KYNU: variants seen among roughly 807,000 people sequenced by gnomAD.
The protein encoded by KYNU is L-kynurenine hydrolase.
A neutral mutation model predicts 59.2 loss-of-function variants in KYNU; 54 were observed. The observed-to-expected ratio is 0.91, with a 90% CI of 0.73 to 1.14. The LOEUF (loss-of-function observed/expected upper bound fraction) is 1.14. Among genes scored for constraint, KYNU ranks in the 50% most tolerant of loss-of-function variants. The pLI, the probability that KYNU is intolerant of heterozygous loss-of-function variation, is 0.00. For synonymous variants in KYNU, 177 were observed against 192.0 expected (o/e 0.92, Z 0.65); for missense variants, 567 against 554.4 (o/e 1.02, Z -0.23).
intron 8 of KYNU, among the ~76,000 whole-genome samples, chr2:142,962,171 G>C (rs1301171314): frequency 6.6e-6 from 1 of 152,188 alleles, no homozygotes; most frequent in Non-Finnish European, 1.5e-5. Context: ...TGCTTCCTTA[G>C]TATACACGTA....
At chr2:142,879,411 G>A (rs1681214540) in intron 1 of KYNU, 1 of 152,218 alleles carries the variant, frequency 6.6e-6, no homozygotes, top group Non-Finnish European at 1.5e-5. Context: ...GGACTGGGAA[G>A]GATGGATTAA....
intron 4 of KYNU, among the ~76,000 whole-genome samples, chr2:142,950,516 G>T (rs1683952984): frequency 6.6e-6 from 1 of 152,130 alleles, no homozygotes; most frequent in Non-Finnish European, 1.5e-5. Context: ...AGCTTGTGTA[G>T]GGAAACTCCC....
At chr2:142,997,123 A>G (rs976378105) in intron 10 of KYNU, among the ~76,000 whole-genome samples, 1 of 152,146 alleles carries the variant, frequency 6.6e-6, no homozygotes, top group Non-Finnish European at 1.5e-5. Flanking sequence ...TCCTTTTCTC[A>G]AGTATGAATG....
chr2:142,964,102 T>C (rs1344920256), intron 8 of KYNU, among the ~76,000 whole-genome samples: 1 of 151,094 alleles, frequency 6.6e-6, no homozygotes, highest in African/African-American at 2.5e-5. Flanking sequence ...ATGCAGTACC[T>C]AGCAGTACTT....
intron 5 of KYNU, 54 bp downstream of exon 5, chr2:142,954,925 G>T: frequency 8.9e-7 from 1 of 1,123,622 alleles, no homozygotes; most frequent in Non-Finnish European, 1.4e-6. Flanking sequence ...AGAATCTGAT[G>T]TTTTTCTATC....
intron 2 of KYNU, among the ~76,000 whole-genome samples, chr2:142,912,400 AT>A (rs1424258470): frequency 1.1e-5 from 1 of 91,514 alleles, no homozygotes; most frequent in Non-Finnish European, 2.0e-5. Flanking sequence ...TTTTTTTGAG[AT>A]GGAGTTTCAC....
intron 1 of KYNU, among the ~76,000 whole-genome samples, chr2:142,884,402 T>C (rs965660429): frequency 6.6e-6 from 1 of 152,194 alleles, no homozygotes; most frequent in Non-Finnish European, 1.5e-5. Flanking sequence ...CAAGAACCAC[T>C]GGGGGTGGGA....
At position 143,049,904 on chromosome 2, in the gene KYNU, G is replaced by GT. The variant is rs1687234872; in HGVS notation, c.*7737dup. 6.6e-6 allele frequency: 1 copy of GT among 151,722 alleles called. No individual in the cohort carries two copies. Among genetic ancestry groups the GT allele is most frequent in the South Asian group, 2.1e-4 (1 of 4,822 alleles). The allele number at this position is 151,722 out of a possible 1,614,324, so 9.4% of individuals were successfully genotyped here. Reference sequence around the variant, plus strand: ...ACTGAGTTAAGTCTGATTTTCCAGAGTTTTTATGTTTGCTTCTGTCAGTTG... The same window carrying GT: ...ACTGAGTTAAGTCTGATTTTCCAGAGTTTTTTATGTTTGCTTCTGTCAGTTG... On this transcript the variant is annotated 3_prime_UTR_variant, in exon 14 of 14. Transcript: ENST00000264170.
rs548858595 is a variant in KYNU, at chr2:143,006,452, A to G, written c.902+20431A>G. Among the ~76,000 whole-genome samples, 1,463 of 148,914 alleles carry G rather than the reference A, an allele frequency of 9.8e-3. 30 individuals carry two copies. The highest frequency in any genetic ancestry group is 0.029 in the East Asian group (141 of 4,914). ...TGCTAGCACAGCAGTCTGAGATCAAACTGCAAGGTGGCAGCGAGGCTGGGG... is the reference window on the plus strand; with the variant it reads ...TGCTAGCACAGCAGTCTGAGATCAAGCTGCAAGGTGGCAGCGAGGCTGGGG... On this transcript the variant is annotated intron_variant, in intron 10 of 13. Transcript: ENST00000264170.
At chr2:143,021,234 A>G (rs1190345664) in intron 10 of KYNU, among the ~76,000 whole-genome samples, 1 of 152,120 alleles carries the variant, frequency 6.6e-6, no homozygotes, top group Non-Finnish European at 1.5e-5. Context: ...GTTGTTTGAT[A>G]GGACTTTCTC....
intron 10 of KYNU, among the ~76,000 whole-genome samples, chr2:143,010,143 A>T (rs1252298361): frequency 7.2e-6 from 1 of 139,840 alleles, no homozygotes; most frequent in African/African-American, 2.8e-5. Context: ...AGATGACATG[A>T]TTCTATATCT....
intron 4 of KYNU, among the ~76,000 whole-genome samples, chr2:142,937,244 G>A (rs1383096869): frequency 6.6e-6 from 1 of 152,008 alleles, no homozygotes; most frequent in Non-Finnish European, 1.5e-5. Context: ...GCCTGAGAAG[G>A]GAGGAGTTAC....
In KYNU at chr2:143,054,210, C is replaced by A. The variant is rs1410341668; in HGVS notation, c.*12038C>A. On this transcript the variant is annotated 3_prime_UTR_variant, in exon 14 of 14. Transcript: ENST00000264170. ...TTTAGATTCTACAATATCTCCAATT[C>A]TTCAGTTTATTCCCTCTTACTATGT... 1 of 151,968 alleles carries A rather than the reference C, an allele frequency of 6.6e-6. No homozygotes were observed. Among genetic ancestry groups the A allele is most frequent in the Non-Finnish European group, 1.5e-5 (1 of 67,994 alleles). The allele number at this position is 151,968 out of a possible 1,614,324, so 9.4% of individuals were successfully genotyped here.
At chr2:143,040,112 A>G (rs184641111) in intron 12 of KYNU, among the ~76,000 whole-genome samples, 42 of 152,194 alleles carry the variant, frequency 2.8e-4, no homozygotes, top group African/African-American at 9.6e-4. Flanking sequence ...CAGTACTGAA[A>G]CAGTTGTGAT....
At chr2:142,897,967 T>C (rs1681938469) in intron 2 of KYNU, among the ~76,000 whole-genome samples, 2 of 152,162 alleles carry the variant, frequency 1.3e-5, no homozygotes, top group Admixed American at 1.3e-4. Context: ...AGTGGTGCTG[T>C]CAGAGCTCAC....
chr2:142,888,086 G>T (rs1378791043), intron 2 of KYNU, among the ~76,000 whole-genome samples: 1 of 152,106 alleles, frequency 6.6e-6, no homozygotes, highest in Admixed American at 6.6e-5. Flanking sequence ...TTACAACCTT[G>T]GATAAGTCAT....
intron 8 of KYNU, among the ~76,000 whole-genome samples, chr2:142,968,912 C>CTAAATAAA (rs568610282): frequency 5.0e-4 from 76 of 151,460 alleles, no homozygotes; most frequent in African/African-American, 8.0e-4. Context: ...GACTCTGTCT[C>CTAAATAAA]TAAATAAATA....
Position 143,004,732 on chromosome 2 carries a change from C to T in KYNU, c.902+18711C>T, listed in dbSNP as rs139801961. ...AAAAATAAAGGCAATATTCATTTTT[C>T]CTCCCGAGCATACAATACTATCTTT... On this transcript the variant is annotated intron_variant, in intron 10 of 13. Coordinates refer to ENST00000264170, the MANE Select transcript of KYNU (RefSeq NM_003937.3). 4.3e-3 allele frequency among the ~76,000 whole-genome samples: 655 copies of T among 152,172 alleles called. 8 individuals carry two copies. Among genetic ancestry groups the T allele is most frequent in the African/African-American group, 0.015 (605 of 41,520 alleles).
chr2:142,935,772 A>T (rs1163402100), intron 4 of KYNU, among the ~76,000 whole-genome samples: 1 of 152,138 alleles, frequency 6.6e-6, no homozygotes, highest in Non-Finnish European at 1.5e-5. Flanking sequence ...GGAGGGAAGG[A>T]AAAAGCCGGA....
Sources: gnomAD v4.1 joint callset for allele counts (sites outside exome capture counted in the v4.1 genomes callset) on GRCh38, gnomAD v4.1.1 for gene constraint, MANE v1.5 for transcripts, NCBI Gene and HGNC (gene_info 2026-07-23, HGNC 2026-07-21) for gene names.